PPFIBP2: variants seen among roughly 807,000 people sequenced by gnomAD.
PPFIBP2 encodes the protein PPFIB scaffold protein 2.
A neutral mutation model predicts 118.3 loss-of-function variants in PPFIBP2; 118 were observed. The observed-to-expected ratio is 1.00, with a 90% CI of 0.86 to 1.16. The LOEUF (loss-of-function observed/expected upper bound fraction) is 1.16. Among genes scored for constraint, PPFIBP2 ranks in the 50% most tolerant of loss-of-function variants. PPFIBP2 has a pLI of 0.00. For synonymous variants in PPFIBP2, 414 were observed against 397.4 expected (o/e 1.04, Z -0.50); for missense variants, 1,195 against 1,073.1 (o/e 1.11, Z -1.59).
intron 23 of PPFIBP2, 87 bp from the exon 24 acceptor site, chr11:7,652,937 C>T: frequency 7.0e-7 from 1 of 1,420,352 alleles, no homozygotes; most frequent in Non-Finnish European, 9.6e-7. Context: ...CCTTGAGTGC[C>T]TGCTCTTAAA....
At chr11:7,526,999 T>C (rs1850288110) in intron 1 of PPFIBP2, among the ~76,000 whole-genome samples, 1 of 151,698 alleles carries the variant, frequency 6.6e-6, no homozygotes, top group Non-Finnish European at 1.5e-5. Flanking sequence ...GTATGTGGTG[T>C]GAGACAGCTG....
rs78937242 is a variant in PPFIBP2, at chr11:7,593,999, A to C, written c.372+775A>C. Reference sequence around the variant, plus strand: ...ATATAAAGGCTAGTATCCTAATCCCAGCTCCTTAAAAGCTTAAAGGGTGAT... The same window carrying C: ...ATATAAAGGCTAGTATCCTAATCCCCGCTCCTTAAAAGCTTAAAGGGTGAT... On this transcript the variant is annotated intron_variant, in intron 4 of 23. Coordinates refer to ENST00000299492, the MANE Select transcript of PPFIBP2 (RefSeq NM_003621.5). Among the ~76,000 whole-genome samples the C allele has an allele frequency of 5.6e-3, 846 of 152,330 alleles. 5 individuals are homozygous for C. The highest frequency in any genetic ancestry group is 9.3e-3 in the Non-Finnish European group (635 of 68,024).
chr11:7,597,523 C>T (rs1317391039), intron 4 of PPFIBP2, 37 bp from the exon 5 acceptor site: 1 of 1,584,078 alleles, frequency 6.3e-7, no homozygotes, highest in Non-Finnish European at 8.6e-7. Flanking sequence ...CATGTCAAAT[C>T]CCTGGTCCTC....
chr11:7,637,171 T>G (rs1460069411), intron 14 of PPFIBP2, among the ~76,000 whole-genome samples: 1 of 152,226 alleles, frequency 6.6e-6, no homozygotes, highest in Non-Finnish European at 1.5e-5. Context: ...CCTTCTCATG[T>G]GCATGGATCA....
intron 3 of PPFIBP2, among the ~76,000 whole-genome samples, chr11:7,580,301 G>C (rs1020834192): frequency 1.3e-5 from 2 of 152,154 alleles, no homozygotes; most frequent in African/African-American, 4.8e-5. Context: ...CTTCCCATCT[G>C]CATGGCTCAC....
downstream of PPFIBP2, among the ~76,000 whole-genome samples, chr11:7,655,156 G>A (rs529883252): frequency 6.6e-5 from 10 of 152,318 alleles, no homozygotes; most frequent in African/African-American, 2.4e-4. Flanking sequence ...TGACAAGCTT[G>A]TGTCTTGCCT....
At chr11:7,562,929 T>TTATATATA (rs60848890) in intron 2 of PPFIBP2, among the ~76,000 whole-genome samples, 35 of 86,504 alleles carry the variant, frequency 4.0e-4, no homozygotes, top group East Asian at 8.3e-4. Context: ...AATTAAAGTT[T>TTATATATA]TATATATATA....
chr11:7,525,546 C>T (rs560519198), intron 1 of PPFIBP2, among the ~76,000 whole-genome samples: 136 of 152,252 alleles, frequency 8.9e-4, no homozygotes, highest in African/African-American at 3.0e-3. Context: ...GCAGAAATTC[C>T]AGGAGGCAGA....
the PPFIBP2 span, among the ~76,000 whole-genome samples, chr11:7,664,156 C>T: frequency 5.9e-5 from 9 of 152,168 alleles, no homozygotes; most frequent in East Asian, 1.9e-4. Flanking sequence ...CCTATTCGGC[C>T]GTCTTGGCTC....
intron 3 of PPFIBP2, among the ~76,000 whole-genome samples, chr11:7,584,582 C>G (rs953044477): frequency 5.3e-5 from 8 of 152,092 alleles, no homozygotes; most frequent in African/African-American, 1.9e-4. Context: ...TAATAAATGC[C>G]AGAAAGCCCT....
chr11:7,642,480 C>G (rs1852342294), intron 17 of PPFIBP2, 54 bp downstream of exon 17: 3 of 1,558,146 alleles, frequency 1.9e-6, no homozygotes, highest in African/African-American at 2.7e-5. Context: ...AGAAGTATCT[C>G]CCTTCAAACC....
chr11:7,517,883 G>A (rs1243145985), intron 1 of PPFIBP2, among the ~76,000 whole-genome samples: 1 of 152,234 alleles, frequency 6.6e-6, no homozygotes, highest in Non-Finnish European at 1.5e-5. Context: ...AAGGGATGGG[G>A]GGCGGTCCCT....
rs370588197 is a variant in PPFIBP2 at position 7,627,513 on chromosome 11, T to C, written c.827-772T>C. The stretch of plus-strand genomic sequence containing the variant: ...TTTAGGAAGAGGCATAGATCCTTCT[T>C]TGAACAATCTAGCTATGTGCCAATT... On this transcript the variant is annotated intron_variant, in intron 8 of 23. Transcript: ENST00000299492. 2.4e-4 allele frequency among the ~76,000 whole-genome samples: 36 copies of C among 152,278 alleles called. No homozygotes were observed. In the South Asian group the frequency reaches 6.8e-3, roughly 29 times the overall value.
chr11:7,562,797 G>C (rs1590250506), intron 2 of PPFIBP2, among the ~76,000 whole-genome samples: 1 of 150,604 alleles, frequency 6.6e-6, no homozygotes, highest in East Asian at 1.9e-4. Context: ...AGGCTTTTCT[G>C]TCACTGTCAT....
At chr11:7,572,759 G>A (rs73411132) in intron 3 of PPFIBP2, among the ~76,000 whole-genome samples, 8,874 of 152,180 alleles carry the variant, frequency 0.058, 821 homozygotes, top group African/African-American at 0.2. Context: ...TCTATGTTTC[G>A]AAGAATGTTT....
intron 1 of PPFIBP2, among the ~76,000 whole-genome samples, chr11:7,522,239 G>T (rs1849821794): frequency 6.6e-6 from 1 of 152,150 alleles, no homozygotes; most frequent in Non-Finnish European, 1.5e-5. Context: ...AGGATTTGGT[G>T]ACTGATTGTA....
chr11:7,635,965 A>G (rs1480156260), intron 14 of PPFIBP2, among the ~76,000 whole-genome samples: 1 of 152,170 alleles, frequency 6.6e-6, no homozygotes, highest in Non-Finnish European at 1.5e-5. Flanking sequence ...AAAAAAACAC[A>G]AGTGTACACT....
chr11:7,532,130 C>T (rs925320306), intron 1 of PPFIBP2, among the ~76,000 whole-genome samples: 2 of 152,118 alleles, frequency 1.3e-5, no homozygotes, highest in Non-Finnish European at 2.9e-5. Context: ...GCATTAGCCA[C>T]CATGCCCAGC....
At chr11:7,653,900 G>A (rs149821667), downstream of PPFIBP2, 22 of 844,858 alleles carry the variant, frequency 2.6e-5, no homozygotes, top group Admixed American at 8.3e-4. Context: ...ATTCACCAGG[G>A]GGGTAGAGCA....
Sources: allele counts gnomAD v4.1 joint callset (sites outside exome capture counted in the v4.1 genomes callset), GRCh38; gene constraint gnomAD v4.1.1; transcripts MANE v1.5; gene names NCBI Gene and HGNC (gene_info 2026-07-23, HGNC 2026-07-21).